The following CAVIN2 variants were observed in gnomAD, a reference collection of about 807,000 sequenced individuals.
The protein encoded by CAVIN2 is caveolae-associated protein 2.
CAVIN2 carries 13 observed loss-of-function variants against 11.7 expected under a neutral mutation model. The observed-to-expected ratio is 1.11, with a 90% confidence interval of 0.72 to 1.77. The LOEUF (loss-of-function observed/expected upper bound fraction) is 1.77, where lower values mean the gene tolerates loss of function less well. Among genes scored for constraint, CAVIN2 ranks in the 40% most tolerant of loss-of-function variants. The pLI is 0.00. For synonymous variants in CAVIN2, 237 were observed against 223.2 expected, an observed-to-expected ratio of 1.06 and a Z score of -0.55; for missense variants, 549 against 542.9, an observed-to-expected ratio of 1.01 and a Z score of -0.11.
At position 191,836,137 on chromosome 2, in the gene CAVIN2, G is replaced by A; in HGVS notation, c.1064C>T (p.Ala355Val). Residue 355 changes from alanine (A) to valine (V), a missense_variant, in exon 2 of 2, where the codon GCT becomes GTT. By Grantham distance (64) the Ala-to-Val change is moderately conservative. Transcript: ENST00000304141. ...ALVEGEIAEE[A>V]AEKATSRGSN... ...CCCCCTGGAGGTCGCCTTCTCAGCA[G>A]CCTCCTCTGCAATTTCCCCTTCCAC... is the stretch of plus-strand genomic sequence containing the variant. 1 of 1,614,186 alleles carries A rather than the reference G, an allele frequency of 6.2e-7. No individual in the cohort carries two copies. Among genetic ancestry groups the A allele is most frequent in the Non-Finnish European group, 8.5e-7 (1 of 1,180,024 alleles).
In CAVIN2 at chr2:191,836,276, C is replaced by T. The variant is rs776025612; in HGVS notation, c.925G>A (p.Ala309Thr). Residue 309 changes from alanine to threonine, a missense_variant, in exon 2 of 2, where the codon GCA (alanine) becomes ACA (threonine). Ala to Thr is a moderately conservative substitution (Grantham distance 58). Coordinates refer to ENST00000304141, the MANE Select transcript of CAVIN2 (RefSeq NM_004657.6). ...TCTTCTGACTTGGTCTCATTTTCTG[C>T]ATGGCTTTCTCCCTCTCGGACTTTC... ...RKKVREGESH[A>T]ENETKSEDLP... 117 of 1,614,040 alleles carry T rather than the reference C, an allele frequency of 7.2e-5. No individual in the cohort carries two copies. In the South Asian group the frequency reaches 1.0e-3, roughly 14 times the overall value.
intron 1 of CAVIN2, among the ~76,000 whole-genome samples, chr2:191,845,702 G>T (rs1690155835): frequency 6.6e-6 from 1 of 152,092 alleles, no homozygotes; most frequent in Non-Finnish European, 1.5e-5. Context: ...TTATTCTAAG[G>T]CAACCGTTTG....
intron 1 of CAVIN2, among the ~76,000 whole-genome samples, chr2:191,842,466 T>C (rs1233651991): frequency 6.6e-6 from 1 of 152,236 alleles, no homozygotes; most frequent in Admixed American, 6.5e-5. Flanking sequence ...TCCTCATAAG[T>C]GTAGAGTAAC....
At position 191,836,592 on chromosome 2, in the gene CAVIN2, G is replaced by A. The variant is rs1255248152; in HGVS notation, c.609C>T (p.Ser203=). ...CATCGTGGGGCAAATCATCATCTGA[G>A]GAGAGGTCCACGGTGTGCAGGGTTT... is the stretch of plus-strand genomic sequence containing the variant. ...LEETLHTVDL[S]SDDDLPHDEE... Residue 203 remains serine, a synonymous_variant, in exon 2 of 2, where the codon TCC becomes TCT. Coordinates refer to ENST00000304141, the MANE Select transcript of CAVIN2 (RefSeq NM_004657.6). 1 of 1,614,120 alleles carries A rather than the reference G, an allele frequency of 6.2e-7. No homozygotes were observed. The highest frequency in any genetic ancestry group is 8.5e-7 in the Non-Finnish European group (1 of 1,180,024).
At chr2:191,836,807 C>A in intron 1 of CAVIN2, 90 bp from the exon 2 acceptor site, 1 of 1,232,410 alleles carries the variant, frequency 8.1e-7, no homozygotes, top group South Asian at 1.6e-5. Flanking sequence ...GTTTTGGAGA[C>A]ACGGTGATGG....
intron 1 of CAVIN2, among the ~76,000 whole-genome samples, chr2:191,844,690 C>T (rs550022091): frequency 2.6e-4 from 40 of 152,248 alleles, no homozygotes; most frequent in African/African-American, 9.1e-4. Context: ...GTCAGACCCT[C>T]ACAACAGCAT....
Position 191,836,015 on chromosome 2 carries a change from C to T in CAVIN2, c.1186G>A (p.Glu396Lys). Residue 396 changes from glutamate (E) to lysine (K), a missense_variant, in exon 2 of 2, where the codon GAG becomes AAG. Coordinates refer to ENST00000304141, the MANE Select transcript of CAVIN2 (RefSeq NM_004657.6). ...ALEQAQKVRY[E>K]GSYALTSEEA... ...TCGGATGTTAGCGCGTAGCTACCCT[C>T]ATAGCGTACCTTCTGTGCCTGTTCC... is the stretch of plus-strand genomic sequence containing the variant. 6.2e-7 allele frequency: 1 copy of T among 1,614,242 alleles called. No individual in the cohort carries two copies. The highest frequency in any genetic ancestry group is 8.5e-7 in the Non-Finnish European group (1 of 1,180,048).
chr2:191,841,873 T>A (rs901192414), intron 1 of CAVIN2, among the ~76,000 whole-genome samples: 2 of 152,160 alleles, frequency 1.3e-5, no homozygotes, highest in African/African-American at 4.8e-5. Context: ...TCACATTCAC[T>A]AAATGTAAAT....
At chr2:191,838,208 T>C (rs1371087133) in intron 1 of CAVIN2, among the ~76,000 whole-genome samples, 1 of 152,256 alleles carries the variant, frequency 6.6e-6, no homozygotes, top group Non-Finnish European at 1.5e-5. Flanking sequence ...CCTTCTTGTT[T>C]TGTAATTTTG....
rs1690169030 is a variant in CAVIN2 at position 191,846,517 on chromosome 2, C to G, written c.409G>C (p.Ala137Pro). 6.2e-7 allele frequency: 1 copy of G among 1,614,146 alleles called. No homozygotes were observed. The highest frequency in any genetic ancestry group is 1.7e-5 in the Admixed American group (1 of 60,014). The change falls in exon 1 of 2, where the codon GCA (alanine) becomes CCA (proline). Residue 137 changes from alanine (A) to proline (P), a missense_variant. Ala to Pro is a conservative substitution (Grantham distance 27). Coordinates refer to ENST00000304141, the MANE Select transcript of CAVIN2 (RefSeq NM_004657.6). ...TTGTTCTCCAGCCGCTTCACCTGTG[C>G]GCACTGCCTATCCATGCGCTCTTTG... ...AVKERMDRQC[A>P]QVKRLENNHA...
intron 1 of CAVIN2, among the ~76,000 whole-genome samples, chr2:191,844,564 T>C (rs527622326): frequency 9.2e-5 from 14 of 152,248 alleles, no homozygotes; most frequent in Admixed American, 2.6e-4. Flanking sequence ...ATTCTTAGCT[T>C]CCAGTTTGGT....
At chr2:191,838,317 C>G (rs2105735559) in intron 1 of CAVIN2, among the ~76,000 whole-genome samples, 1 of 152,112 alleles carries the variant, frequency 6.6e-6, no homozygotes, top group Non-Finnish European at 1.5e-5. Context: ...TTAAAAAAAC[C>G]CTCTCCTTGT....
chr2:191,841,390 G>T (rs1343571940), intron 1 of CAVIN2, among the ~76,000 whole-genome samples: 2 of 152,064 alleles, frequency 1.3e-5, no homozygotes, highest in African/African-American at 4.8e-5. Flanking sequence ...GGATTATAGT[G>T]TTTGTTTTTA....
At chr2:191,837,532 A>C (rs1392861023) in intron 1 of CAVIN2, among the ~76,000 whole-genome samples, 5 of 152,172 alleles carry the variant, frequency 3.3e-5, no homozygotes, top group African/African-American at 1.2e-4. Flanking sequence ...GCGAAGAGTG[A>C]GGAGAGAAGC....
chr2:191,846,511 C>T lies in CAVIN2; in HGVS notation c.415G>A (p.Val139Met). The T allele has an allele frequency of 6.2e-7, 1 of 1,614,264 alleles. No individual in the cohort carries two copies. Among genetic ancestry groups the T allele is most frequent in the South Asian group, 1.1e-5 (1 of 91,090 alleles). The change falls in exon 1 of 2, where the codon GTG (valine) becomes ATG (methionine). Residue 139 changes from valine (V) to methionine (M), a missense_variant. Coordinates refer to ENST00000304141, the MANE Select transcript of CAVIN2 (RefSeq NM_004657.6). The stretch of plus-strand genomic sequence containing the variant: ...GCGTGGTTGTTCTCCAGCCGCTTCA[C>T]CTGTGCGCACTGCCTATCCATGCGC... ...KERMDRQCAQ[V>M]KRLENNHAQL... is the part of the protein sequence containing the mutation.
intron 1 of CAVIN2, 80 bp from the exon 2 acceptor site, chr2:191,836,797 GT>G: frequency 7.7e-7 from 1 of 1,302,988 alleles, no homozygotes; most frequent in Non-Finnish European, 1.0e-6. Context: ...ACGTGTGTCT[GT>G]TTTGGAGACA....
chr2:191,846,297 C>T, intron 1 of CAVIN2, 146 bp downstream of exon 1: 1 of 1,023,948 alleles, frequency 9.8e-7, no homozygotes, highest in Non-Finnish European at 1.4e-6. Flanking sequence ...ATTTGCTTTC[C>T]GCAGGCAGAC....
In CAVIN2 at chr2:191,846,489, T is replaced by C. The variant is rs1252827889; in HGVS notation, c.437A>G (p.His146Arg). The C allele has an allele frequency of 1.9e-6, 3 of 1,614,086 alleles. No homozygotes were observed. The highest frequency in any genetic ancestry group is 2.5e-6 in the Non-Finnish European group (3 of 1,179,992). Residue 146 changes from histidine to arginine, a missense_variant, in exon 1 of 2, where the codon CAC becomes CGC. Transcript: ENST00000304141. ...CAQVKRLENNHAQLLRRNHFK... is the reference protein window; with the variant it reads ...CAQVKRLENNRAQLLRRNHFK... ...ATGGTTGCGTCGGAGGAGCTGGGCG[T>C]GGTTGTTCTCCAGCCGCTTCACCTG... is the stretch of plus-strand genomic sequence containing the variant.
chr2:191,835,686 T>C lies in CAVIN2; in HGVS notation c.*237A>G, dbSNP rs1690002857. The C allele has an allele frequency of 6.3e-6, 3 of 479,800 alleles. No individual in the cohort carries two copies. Among genetic ancestry groups the C allele is most frequent in the South Asian group, 4.9e-5 (1 of 20,580 alleles). The allele number at this position is 479,800 out of a possible 1,614,324, so 29.7% of individuals were successfully genotyped here. On this transcript the variant is annotated 3_prime_UTR_variant, in exon 2 of 2. Transcript: ENST00000304141. The stretch of plus-strand genomic sequence containing the variant: ...TTCAACTGCTCAGTTTCTTCTTCAA[T>C]CTTGGAGACATTCTACAGAGATAGA...
Sources: allele counts gnomAD v4.1 joint callset (sites outside exome capture counted in the v4.1 genomes callset), GRCh38; gene constraint gnomAD v4.1.1; transcripts MANE v1.5; gene names NCBI Gene and HGNC (gene_info 2026-07-23, HGNC 2026-07-21).